The following SRSF1 variants were observed in gnomAD, a reference collection of about 807,000 sequenced individuals.
The protein encoded by SRSF1 is serine and arginine rich splicing factor 1, also known as serine/arginine-rich splicing factor 1.
Under a neutral mutation model 25.9 loss-of-function variants are expected in SRSF1, and 1 was observed. The ratio of observed to expected loss-of-function variants is 0.04; its 90% CI spans 0.01 to 0.18. SRSF1 has a LOEUF of 0.18. SRSF1 is among the 10% of genes least tolerant of loss of function. SRSF1 has a pLI of 1.00. For synonymous variants in SRSF1, 132 were observed against 126.2 expected (o/e 1.05, Z -0.31); for missense variants, 65 against 350.5 (o/e 0.19, Z 6.50).
chr17:57,989,726 G>T, the SRSF1 span: 1 of 398,650 alleles, frequency 2.5e-6, no homozygotes. Context: ...TGGAGGCCTT[G>T]GGGATGAATG....
At chr17:57,995,247 A>G in the SRSF1 span, among the ~76,000 whole-genome samples, 1 of 152,214 alleles carries the variant, frequency 6.6e-6, no homozygotes, top group Non-Finnish European at 1.5e-5. Flanking sequence ...ACTAATACAA[A>G]TTTAAGTGTA....
Position 58,002,078 on chromosome 17 carries a change from TTTA to T in SRSF1, c.*3325_*3327del, listed in dbSNP as rs1435163689. 2.0e-5 allele frequency among the ~76,000 whole-genome samples: 3 copies of T among 152,218 alleles called. No individual in the cohort carries two copies. The highest frequency in any genetic ancestry group is 4.4e-5 in the Non-Finnish European group (3 of 68,036). On this transcript the variant is annotated 3_prime_UTR_variant, in exon 4 of 4. Transcript: ENST00000258962. ...AACCTTCCAAAATTATCATTAATCA[TTTA>T]TTTTCCCTTTAATAATCTGATGAAT...
At chr17:57,989,219 TATGATG>T in the SRSF1 span, 1 of 398,612 alleles carries the variant, frequency 2.5e-6, no homozygotes, top group East Asian at 3.6e-5. Context: ...GAGGAGCCTG[TATGATG>T]ATGTCCTGAA....
downstream of SRSF1, among the ~76,000 whole-genome samples, chr17:58,000,639 A>C (rs1040112429): frequency 6.6e-6 from 1 of 152,192 alleles, no homozygotes; most frequent in African/African-American, 2.4e-5. Flanking sequence ...CTTAAAATTC[A>C]ATCAACAAAG....
At chr17:57,998,033 T>A (rs1001877620), downstream of SRSF1, among the ~76,000 whole-genome samples, 1 of 152,082 alleles carries the variant, frequency 6.6e-6, no homozygotes, top group African/African-American at 2.4e-5. Flanking sequence ...TGAGCCAACA[T>A]AGTGAAACCC....
rs774015718 is a variant in SRSF1 at position 58,004,476 on chromosome 17, C to G, written c.*930G>C. 1 of 152,846 alleles carries G rather than the reference C, an allele frequency of 6.5e-6. No individual in the cohort carries two copies. The highest frequency in any genetic ancestry group is 1.5e-5 in the Non-Finnish European group (1 of 68,260). 9.5% of individuals were successfully genotyped at this position (152,846 alleles called of 1,614,324 possible). ...TTATCTACACCAATACATTGGAACT[C>G]TATATTTTGCTTTCATTTTGTCTTA... On this transcript the variant is annotated 3_prime_UTR_variant, in exon 4 of 4. Coordinates refer to ENST00000258962, the MANE Select transcript of SRSF1 (RefSeq NM_006924.5).
chr17:58,005,337 GAA>G lies in SRSF1; in HGVS notation c.*67_*68del, dbSNP rs1455971335. The stretch of plus-strand genomic sequence containing the variant: ...AACAAAACAGTTTGAATTAAAAAAT[GAA>G]AAGATTGTACTGAATAAAGGAAAAC... On this transcript the variant is annotated 3_prime_UTR_variant, in exon 4 of 4. Coordinates refer to ENST00000258962, the MANE Select transcript of SRSF1 (RefSeq NM_006924.5). This position sits in a 1 kb window ranked among gnomAD's most constrained non-coding sequence, Gnocchi z 5.2. The G allele has an allele frequency of 3.9e-6, 6 of 1,536,926 alleles. No individual in the cohort carries two copies. In the African/African-American group the frequency reaches 5.5e-5, roughly 14 times the overall value.
Position 58,006,642 on chromosome 17 carries a change from G to C in SRSF1, c.195-115C>G, listed in dbSNP as rs1278341913. On this transcript the variant is annotated intron_variant, in intron 1 of 3. Transcript: ENST00000258962. ...ACCCAACGTGGAAGAGCCCACATGC[G>C]CCGCATAATAGGAATGGCCCCTCCC... The C allele has an allele frequency of 4.8e-6, 6 of 1,260,014 alleles. No homozygotes were observed. The South Asian group carries it at 7.5e-5, about 16-fold the overall frequency. The allele number at this position is 1,260,014 out of a possible 1,614,324, so 78.1% of individuals were successfully genotyped here. A position where few individuals can be genotyped will look rare whatever the true frequency, so the allele number is the denominator to read the frequency against.
At chr17:57,989,319 G>A in the SRSF1 span, 2 of 398,614 alleles carry the variant, frequency 5.0e-6, no homozygotes, top group Non-Finnish European at 4.4e-6. Flanking sequence ...TCTAGTCCAA[G>A]ACATCTCCTG....
rs2075390449 is a variant in SRSF1, at chr17:58,001,558, T to A, written c.*3848A>T. Among the ~76,000 whole-genome samples, 1 of 152,184 alleles carries A rather than the reference T, an allele frequency of 6.6e-6. No homozygotes were observed. The highest frequency in any genetic ancestry group is 1.5e-5 in the Non-Finnish European group (1 of 68,010). Reference sequence around the variant, plus strand: ...TTCAATCTGATGTTATGAAAAGTAATTGCTTCTTAAAGAGACTTAAGTTTT... The same window carrying A: ...TTCAATCTGATGTTATGAAAAGTAAATGCTTCTTAAAGAGACTTAAGTTTT... On this transcript the variant is annotated 3_prime_UTR_variant, in exon 4 of 4. Coordinates refer to ENST00000258962, the MANE Select transcript of SRSF1 (RefSeq NM_006924.5).
chr17:58,000,522 G>T (rs185909081), downstream of SRSF1, among the ~76,000 whole-genome samples: 1 of 152,210 alleles, frequency 6.6e-6, no homozygotes, highest in Non-Finnish European at 1.5e-5. Context: ...CTGAGTATTT[G>T]CTTCAATGGG....
chr17:57,998,229 AT>A (rs768999095), downstream of SRSF1, among the ~76,000 whole-genome samples: 5 of 152,162 alleles, frequency 3.3e-5, no homozygotes, highest in Non-Finnish European at 2.9e-5. Flanking sequence ...GACAAAAAAA[AT>A]GTGAATGTCA....
chr17:58,004,668 C>A lies in SRSF1; in HGVS notation c.*738G>T. The A allele has an allele frequency of 3.7e-6, 1 of 268,570 alleles. No homozygotes were observed. The highest frequency in any genetic ancestry group is 6.4e-5 in the East Asian group (1 of 15,602). 16.6% of individuals were successfully genotyped at this position (268,570 alleles called of 1,614,324 possible). A position where few individuals can be genotyped will look rare whatever the true frequency, so the allele number is the denominator to read the frequency against. On this transcript the variant is annotated 3_prime_UTR_variant, in exon 4 of 4. Coordinates refer to ENST00000258962, the MANE Select transcript of SRSF1 (RefSeq NM_006924.5). ...TAACTAAGCACTGTGACAAATTAGC[C>A]AGTTCTTCCCACATTAGTCCCTATT... is the stretch of plus-strand genomic sequence containing the variant.
the SRSF1 span, chr17:57,990,788 C>T: frequency 6.6e-6 from 1 of 152,250 alleles, no homozygotes; most frequent in Admixed American, 6.5e-5. Context: ...AATGTGCCTA[C>T]ATCTACCCAA....
In SRSF1 at chr17:58,005,179, G is replaced by A; in HGVS notation, c.*227C>T. The stretch of plus-strand genomic sequence containing the variant: ...ACAATATCACAGTCTGAAGAGTATG[G>A]AGTTAACTAAATTTAAACAATCCTG... On this transcript the variant is annotated 3_prime_UTR_variant, in exon 4 of 4. Coordinates refer to ENST00000258962, the MANE Select transcript of SRSF1 (RefSeq NM_006924.5). The surrounding 1 kb of genome is among the most constrained non-coding windows in gnomAD (Gnocchi z 5.2). The A allele has an allele frequency of 1.7e-6, 1 of 589,212 alleles. No individual in the cohort carries two copies. The highest frequency in any genetic ancestry group is 3.0e-6 in the Non-Finnish European group (1 of 333,830). The allele number at this position is 589,212 out of a possible 1,614,324, so 36.5% of individuals were successfully genotyped here.
chr17:57,997,875 T>A (rs551458457), downstream of SRSF1, among the ~76,000 whole-genome samples: 239 of 152,368 alleles, frequency 1.6e-3, no homozygotes, highest in Non-Finnish European at 3.1e-3. Flanking sequence ...TTCTTTGGAA[T>A]GTGCTTGTTA....
In SRSF1 at chr17:58,005,525, G is replaced by A; in HGVS notation, c.628C>T (p.Arg210Cys). The A allele has an allele frequency of 6.2e-7, 1 of 1,614,048 alleles. No homozygotes were observed. The highest frequency in any genetic ancestry group is 8.5e-7 in the Non-Finnish European group (1 of 1,180,002). The change falls in exon 4 of 4, where the codon CGT becomes TGT. Residue 210 changes from arginine to cysteine, a missense_variant. Around this residue, in one of 2 missense-constraint regions of SRSF1, gnomAD observed 63 missense variants for 284.8 expected, o/e 0.22. Coordinates refer to ENST00000258962, the MANE Select transcript of SRSF1 (RefSeq NM_006924.5). This position sits in a 1 kb window ranked among gnomAD's most constrained non-coding sequence, Gnocchi z 5.2. The part of the protein sequence containing the change: ...PSYGRSRSRS[R>C]SRSRSRSRSN... ...CTGCTACGGCTTCTGCTACGACTAC[G>A]GCTTCGAGATCGAGATCTTCCATAA...
At position 58,001,299 on chromosome 17, in the gene SRSF1, T is replaced by G. The variant is rs2075388507; in HGVS notation, c.*4107A>C. 6.6e-6 allele frequency among the ~76,000 whole-genome samples: 1 copy of G among 152,120 alleles called. No individual in the cohort carries two copies. Among genetic ancestry groups the G allele is most frequent in the African/African-American group, 2.4e-5 (1 of 41,418 alleles). ...AGTTGAGATTCTACAATAAATCATA[T>G]TAAACGCAAGCACTATGATGCACAG... On this transcript the variant is annotated 3_prime_UTR_variant, in exon 4 of 4. Coordinates refer to ENST00000258962, the MANE Select transcript of SRSF1 (RefSeq NM_006924.5).
In SRSF1 at chr17:58,004,837, T is replaced by C. The variant is rs990656380; in HGVS notation, c.*569A>G. ...ATGTTTGCAAGTGTTTTAAGGAAAA[T>C]GTATATAATCATTTTTAACCCCTGC... is the stretch of plus-strand genomic sequence containing the variant. On this transcript the variant is annotated 3_prime_UTR_variant, in exon 4 of 4. Transcript: ENST00000258962. The C allele has an allele frequency of 7.5e-6, 3 of 397,764 alleles. No homozygotes were observed. The highest frequency in any genetic ancestry group is 4.1e-5 in the African/African-American group (2 of 48,594). 24.6% of individuals were successfully genotyped at this position (397,764 alleles called of 1,614,324 possible).
Sources: gnomAD v4.1 joint callset for allele counts (sites outside exome capture counted in the v4.1 genomes callset) on GRCh38, gnomAD v4.1.1 for gene constraint, gnomAD v4.1.1 regional missense constraint, Gnocchi (gnomAD v3.1) non-coding constraint, MANE v1.5 for transcripts, NCBI Gene and HGNC (gene_info 2026-07-23, HGNC 2026-07-21) for gene names.